The following SPOUT1 variants were observed in gnomAD, a reference collection of about 807,000 sequenced individuals.
SPOUT1 encodes SPOUT domain containing methyltransferase 1.
In SPOUT1, 40 loss-of-function variants were observed where a neutral mutation model predicts 54.8. The ratio of observed to expected loss-of-function variants is 0.73; its 90% CI spans 0.57 to 0.95. The LOEUF is 0.95. Among genes scored for constraint, SPOUT1 ranks in the 40% least tolerant of loss-of-function variants. SPOUT1 has a pLI of 0.00. For synonymous variants in SPOUT1, 193 were observed against 200.3 expected, an observed-to-expected ratio of 0.96 and a Z score of 0.31; for missense variants, 437 against 499.5, an observed-to-expected ratio of 0.87 and a Z score of 1.19.
Position 128,826,764 on chromosome 9 carries a change from C to T in SPOUT1, c.369-135G>A. On this transcript the variant is annotated intron_variant, in intron 4 of 11. Coordinates refer to ENST00000361256, the MANE Select transcript of SPOUT1 (RefSeq NM_016390.4). The surrounding 1 kb of genome is among the most constrained non-coding windows in gnomAD (Gnocchi z 5.5). The stretch of plus-strand genomic sequence containing the variant: ...ATCATCTGAGTGCAGCAAGTAGAGG[C>T]TGCAGTGAGCCATGACCATGCCACT... 1 of 692,946 alleles carries T rather than the reference C, an allele frequency of 1.4e-6. No homozygotes were observed. The highest frequency in any genetic ancestry group is 2.4e-6 in the Non-Finnish European group (1 of 417,500). The allele number at this position is 692,946 out of a possible 1,614,324, so 42.9% of individuals were successfully genotyped here. A position where few individuals can be genotyped will look rare whatever the true frequency, so the allele number is the denominator to read the frequency against.
chr9:128,829,542 G>A (rs904784188), intron 1 of SPOUT1, among the ~76,000 whole-genome samples: 1 of 152,202 alleles, frequency 6.6e-6, no homozygotes, highest in Non-Finnish European at 1.5e-5. Flanking sequence ...GGGGGCCAGG[G>A]AGCCGCAGGG....
chr9:128,828,655 C>G, intron 3 of SPOUT1, 80 bp downstream of exon 3: 1 of 1,505,520 alleles, frequency 6.6e-7, no homozygotes, highest in Non-Finnish European at 9.1e-7. Flanking sequence ...AAGGCCCTTT[C>G]AGATAAGACA....
In SPOUT1 at chr9:128,824,810, G is replaced by T. The variant is rs1311178894; in HGVS notation, c.772C>A (p.Leu258Ile). The change falls in exon 9 of 12, where the codon CTC becomes ATC. Residue 258 changes from leucine (L) to isoleucine (I), a missense_variant. Transcript: ENST00000361256. ...AGTCGGACGGTGTAGCCCCAGTAGA[G>T]ACCAGCTTTGGTGCGAGGGTCCTGC... is the stretch of plus-strand genomic sequence containing the variant. Reference protein sequence around the residue: ...SSQDPRTKAGLYWGYTVRLAS... With the variant: ...SSQDPRTKAGIYWGYTVRLAS... 1 of 1,614,082 alleles carries T rather than the reference G, an allele frequency of 6.2e-7. No homozygotes were observed. The highest frequency in any genetic ancestry group is 1.1e-5 in the South Asian group (1 of 91,062).
chr9:128,824,639 G>A (rs2997917), intron 9 of SPOUT1, 132 bp downstream of exon 9: 473,133 of 665,060 alleles, frequency 0.71, 173,417 homozygotes, highest in Admixed American at 0.78. Context: ...CAGAGAAGGG[G>A]AAGGACTTGC....
Position 128,827,265 on chromosome 9 carries a change from C to T in SPOUT1, c.209-74G>A, listed in dbSNP as rs150808020. 185 of 1,386,296 alleles carry T rather than the reference C, an allele frequency of 1.3e-4. No individual in the cohort carries two copies. The East Asian group carries it at 3.7e-3, about 27-fold the overall frequency. 85.9% of individuals were successfully genotyped at this position (1,386,296 alleles called of 1,614,324 possible). A position where few individuals can be genotyped will look rare whatever the true frequency, so the allele number is the denominator to read the frequency against. ...CTACCTTTCTCTCCCTTCCTCTGTC[C>T]CTAGCGCCCATGGTTTGAGAATTTC... On this transcript the variant is annotated intron_variant, in intron 3 of 11. Coordinates refer to ENST00000361256, the MANE Select transcript of SPOUT1 (RefSeq NM_016390.4).
Position 128,826,406 on chromosome 9 carries a change from C to A in SPOUT1, c.486G>T (p.Lys162Asn). 1 of 1,614,086 alleles carries A rather than the reference C, an allele frequency of 6.2e-7. No individual in the cohort carries two copies. Among genetic ancestry groups the A allele is most frequent in the Non-Finnish European group, 8.5e-7 (1 of 1,179,996 alleles). The change falls in exon 6 of 12, where the codon AAG becomes AAT. Residue 162 changes from lysine (K) to asparagine (N), a missense_variant. Physicochemically the swap from Lys to Asn is moderately conservative, Grantham distance 94. Coordinates refer to ENST00000361256, the MANE Select transcript of SPOUT1 (RefSeq NM_016390.4). This position sits in a 1 kb window ranked among gnomAD's most constrained non-coding sequence, Gnocchi z 5.5. ...PQYLRKAFFP[K>N]HQDLQFAGLL... is the part of the protein sequence containing the mutation. ...TACCTGCAAACTGTAGATCCTGGTG[C>A]TTGGGGAAGAACGCCTTCCTCAGGT...
At position 128,820,825 on chromosome 9, in the gene SPOUT1, C is replaced by A; in HGVS notation, c.*1940G>T. The stretch of plus-strand genomic sequence containing the variant: ...GCAGCTACCAAAACGTCTATGTCTG[C>A]ACAGGGCCACTCTTCCTGCCCAGGT... On this transcript the variant is annotated 3_prime_UTR_variant, in exon 12 of 12. Coordinates refer to ENST00000361256, the MANE Select transcript of SPOUT1 (RefSeq NM_016390.4). The A allele has an allele frequency of 4.3e-6, 7 of 1,610,934 alleles. No homozygotes were observed. Among genetic ancestry groups the A allele is most frequent in the Non-Finnish European group, 5.9e-6 (7 of 1,178,582 alleles).
In SPOUT1 at chr9:128,820,251, C is replaced by G. The variant is rs926669740; in HGVS notation, c.*2514G>C. The G allele has an allele frequency of 1.9e-5, 3 of 155,910 alleles. No homozygotes were observed. Among genetic ancestry groups the G allele is most frequent in the African/African-American group, 4.8e-5 (2 of 41,514 alleles). The allele number at this position is 155,910 out of a possible 1,614,324, so 9.7% of individuals were successfully genotyped here. On this transcript the variant is annotated 3_prime_UTR_variant, in exon 12 of 12. Coordinates refer to ENST00000361256, the MANE Select transcript of SPOUT1 (RefSeq NM_016390.4). ...GGCTCTGGGTGGAGCCCATGGGGCA[C>G]CAACCTCTGACCCAGCTTCCTTCTG...
intron 1 of SPOUT1, among the ~76,000 whole-genome samples, chr9:128,829,466 G>A (rs567525221): frequency 1.3e-5 from 2 of 152,300 alleles, no homozygotes; most frequent in Admixed American, 1.3e-4. Context: ...AAGGGCTCCA[G>A]AAGCCACGAA....
At position 128,826,567 on chromosome 9, in the gene SPOUT1, C is replaced by T. The variant is rs370001958; in HGVS notation, c.431G>A (p.Arg144Gln). ...TGGACACTCCAGGTACTGCAGGATCCGGGCCAGCTGTACGCACGCCTGCCC... is the reference window on the plus strand; with the variant it reads ...TGGACACTCCAGGTACTGCAGGATCTGGGCCAGCTGTACGCACGCCTGCCC... ...KKGQACVQLARILQYLECPQY... is the reference protein window; with the variant it reads ...KKGQACVQLAQILQYLECPQY... The change falls in exon 5 of 12, where the codon CGG (arginine) becomes CAG (glutamine). Residue 144 changes from arginine (R) to glutamine (Q), a missense_variant. Physicochemically the swap from Arg to Gln is conservative, Grantham distance 43. Coordinates refer to ENST00000361256, the MANE Select transcript of SPOUT1 (RefSeq NM_016390.4). The surrounding 1 kb of genome is among the most constrained non-coding windows in gnomAD (Gnocchi z 5.5). 3.1e-6 allele frequency: 5 copies of T among 1,608,460 alleles called. No individual in the cohort carries two copies. Among genetic ancestry groups the T allele is most frequent in the South Asian group, 2.2e-5 (2 of 90,324 alleles).
At position 128,821,157 on chromosome 9, in the gene SPOUT1, C is replaced by A; in HGVS notation, c.*1608G>T. 2.4e-6 allele frequency: 1 copy of A among 411,496 alleles called. No individual in the cohort carries two copies. Among genetic ancestry groups the A allele is most frequent in the Non-Finnish European group, 4.5e-6 (1 of 220,820 alleles). The allele number at this position is 411,496 out of a possible 1,614,324, so 25.5% of individuals were successfully genotyped here. On this transcript the variant is annotated 3_prime_UTR_variant, in exon 12 of 12. Transcript: ENST00000361256. ...AATCTTGTTCTGCCAATATGGAACC[C>A]CCCGCAGGTCTGCAGTGCACCAAGC... is the stretch of plus-strand genomic sequence containing the variant.
intron 9 of SPOUT1, 126 bp from the exon 10 acceptor site, chr9:128,824,300 G>C (rs1268920837): frequency 2.0e-5 from 11 of 554,042 alleles, no homozygotes; most frequent in East Asian, 1.5e-4. Context: ...GTGTGTGTGT[G>C]CGTGTGTGTA....
At chr9:128,829,360 A>C (rs1455381101) in intron 1 of SPOUT1, among the ~76,000 whole-genome samples, 1 of 152,208 alleles carries the variant, frequency 6.6e-6, no homozygotes, top group African/African-American at 2.4e-5. Flanking sequence ...GCACACAGAA[A>C]GCACTCAAGA....
Position 128,822,136 on chromosome 9 carries a change from G to A in SPOUT1, c.*629C>T. On this transcript the variant is annotated 3_prime_UTR_variant, in exon 12 of 12. Transcript: ENST00000361256. ...AGTGTTGGGCATAAGGAAAACAGAG[G>A]GAAAGAGTTAACCACCCTGGAGAGA... The A allele has an allele frequency of 1.5e-6, 1 of 647,828 alleles. No homozygotes were observed. The highest frequency in any genetic ancestry group is 2.6e-6 in the Non-Finnish European group (1 of 381,764). 40.1% of individuals were successfully genotyped at this position (647,828 alleles called of 1,614,324 possible).
Position 128,824,875 on chromosome 9 carries a change from G to A in SPOUT1, c.713-6C>T. The A allele has an allele frequency of 6.2e-7, 1 of 1,611,854 alleles. No homozygotes were observed. The highest frequency in any genetic ancestry group is 8.5e-7 in the Non-Finnish European group (1 of 1,177,940). ...GCCATGGTAGGTCTTGCAGTCTGGA[G>A]GGGTAACAGAGTCTGTAAAGATGGG... On this transcript the variant is annotated splice_polypyrimidine_tract_variant and splice_region_variant and intron_variant, in intron 8 of 11. Coordinates refer to ENST00000361256, the MANE Select transcript of SPOUT1 (RefSeq NM_016390.4).
intron 3 of SPOUT1, among the ~76,000 whole-genome samples, chr9:128,827,625 A>G (rs752660032): frequency 2.6e-5 from 4 of 152,264 alleles, no homozygotes; most frequent in Non-Finnish European, 4.4e-5. Context: ...AGTCAAATAC[A>G]TGGCCCAAGG....
rs755697926 is a variant in SPOUT1, at chr9:128,828,799, C to G, written c.144G>C (p.Arg48=). Residue 48 remains arginine (R), a synonymous_variant, in exon 3 of 12, where the codon CGG becomes CGC. Transcript: ENST00000361256. ...GGCGCTTTGCCTGTTCCTCCTGTGC[C>G]CGCTGCCGCTCCAGTTTTTTCATCA... ...LKLMKKLERQ[R]AQEEQAKRLE... is the part of the protein sequence containing the mutation. The G allele has an allele frequency of 6.2e-7, 1 of 1,614,082 alleles. No individual in the cohort carries two copies. The highest frequency in any genetic ancestry group is 1.3e-5 in the African/African-American group (1 of 74,946).
chr9:128,824,475 G>C (rs887138873), intron 9 of SPOUT1, among the ~76,000 whole-genome samples: 1 of 152,150 alleles, frequency 6.6e-6, no homozygotes, highest in African/African-American at 2.4e-5. Flanking sequence ...GACTGGATAG[G>C]AAGAGGCACC....
chr9:128,820,885 C>T lies in SPOUT1; in HGVS notation c.*1880G>A. The T allele has an allele frequency of 6.4e-7, 1 of 1,557,360 alleles. No individual in the cohort carries two copies. Among genetic ancestry groups the T allele is most frequent in the Middle Eastern group, 1.7e-4 (1 of 5,946 alleles). On this transcript the variant is annotated 3_prime_UTR_variant, in exon 12 of 12. Coordinates refer to ENST00000361256, the MANE Select transcript of SPOUT1 (RefSeq NM_016390.4). Reference sequence around the variant, plus strand: ...ACCAGGGGGGCGGCAGAACCTCCCACTCACCTGAGGCCCCTACTGCCACTC... The same window carrying T: ...ACCAGGGGGGCGGCAGAACCTCCCATTCACCTGAGGCCCCTACTGCCACTC...
Sources: allele counts gnomAD v4.1 joint callset (sites outside exome capture counted in the v4.1 genomes callset), GRCh38; gene constraint gnomAD v4.1.1; non-coding constraint Gnocchi (gnomAD v3.1); transcripts MANE v1.5; gene names NCBI Gene and HGNC (gene_info 2026-07-23, HGNC 2026-07-21).